SLC39A11: variants seen among roughly 807,000 people sequenced by gnomAD.
SLC39A11 encodes zinc transporter ZIP11.
A neutral mutation model predicts 36.1 loss-of-function variants in SLC39A11; 33 were observed. That is an observed-to-expected ratio of 0.91 (90% confidence interval 0.69 to 1.22). The LOEUF (loss-of-function observed/expected upper bound fraction) is 1.22. Among genes scored for constraint, SLC39A11 ranks in the 50% most tolerant of loss-of-function variants. The probability of loss-of-function intolerance (pLI) is 0.00; values close to 1 mark genes in which losing one functional copy is unlikely to be tolerated. For missense variants in SLC39A11, 432 were observed against 430.3 expected, an observed-to-expected ratio of 1.00 and a Z score of -0.03; for synonymous variants, 166 against 170.3, an observed-to-expected ratio of 0.97 and a Z score of 0.20.
chr17:72,795,153 A>T (rs544047789), intron 6 of SLC39A11, among the ~76,000 whole-genome samples: 2 of 152,188 alleles, frequency 1.3e-5, no homozygotes, highest in South Asian at 4.1e-4. Flanking sequence ...TCATACCAAT[A>T]ATCCTGTATG....
At chr17:72,785,073 G>A (rs1432637687) in intron 6 of SLC39A11, among the ~76,000 whole-genome samples, 1 of 151,872 alleles carries the variant, frequency 6.6e-6, no homozygotes, top group African/African-American at 2.4e-5. Context: ...TCACCATATT[G>A]GTCAGGCTGG....
rs560477358 is a variant in SLC39A11, at chr17:73,061,922, A to G, written c.147+22886T>C. Among the ~76,000 whole-genome samples, 3 of 152,140 alleles carry G rather than the reference A, an allele frequency of 2.0e-5. No individual in the cohort carries two copies. The East Asian group carries it at 5.8e-4, about 30-fold the overall frequency. On this transcript the variant is annotated intron_variant, in intron 3 of 9. Coordinates refer to ENST00000255559, the MANE Select transcript of SLC39A11 (RefSeq NM_139177.4). Reference sequence around the variant, plus strand: ...AAGGTGGGAGGATCACTTGAGACCAAGAGGTCAATGCTGCAGTGACCTCGT... The same window carrying G: ...AAGGTGGGAGGATCACTTGAGACCAGGAGGTCAATGCTGCAGTGACCTCGT...
At chr17:72,698,840 T>C (rs1284202798) in intron 7 of SLC39A11, among the ~76,000 whole-genome samples, 1 of 151,966 alleles carries the variant, frequency 6.6e-6, no homozygotes, top group Non-Finnish European at 1.5e-5. Context: ...TCTTTTTTTG[T>C]TTTGTTTTGA....
chr17:72,798,095 T>A (rs1237627315), intron 6 of SLC39A11, among the ~76,000 whole-genome samples: 1 of 151,994 alleles, frequency 6.6e-6, no homozygotes, highest in African/African-American at 2.4e-5. Context: ...TGGAGATGGG[T>A]GTATCACTAG....
chr17:72,984,640 C>T (rs912811855), intron 4 of SLC39A11, among the ~76,000 whole-genome samples: 1 of 152,138 alleles, frequency 6.6e-6, no homozygotes. Context: ...CCCGTGTTTC[C>T]GCAAGACCTC....
chr17:72,960,897 T>C (rs1207367460), intron 4 of SLC39A11, among the ~76,000 whole-genome samples: 1 of 152,180 alleles, frequency 6.6e-6, no homozygotes, highest in Non-Finnish European at 1.5e-5. Flanking sequence ...AGCGCTTCTA[T>C]TACCAATCCT....
chr17:73,028,303 A>T (rs1449610479), intron 4 of SLC39A11, among the ~76,000 whole-genome samples: 2 of 152,188 alleles, frequency 1.3e-5, no homozygotes, highest in African/African-American at 4.8e-5. Flanking sequence ...ATGTTGGCCA[A>T]CCGCAACGAC....
intron 4 of SLC39A11, chr17:72,992,843 C>T (rs956017263): frequency 6.6e-6 from 1 of 152,198 alleles, no homozygotes; most frequent in Non-Finnish European, 1.5e-5. Context: ...TAAAGACACA[C>T]CCGAGACTGG....
chr17:73,011,693 C>T (rs1194799648), intron 4 of SLC39A11, among the ~76,000 whole-genome samples: 1 of 147,832 alleles, frequency 6.8e-6, no homozygotes, highest in East Asian at 2.0e-4. Flanking sequence ...TGGAGTTTCA[C>T]TCTTGTTGCC....
chr17:72,911,111 T>A (rs566975819), intron 5 of SLC39A11, among the ~76,000 whole-genome samples: 1 of 152,058 alleles, frequency 6.6e-6, no homozygotes, highest in Non-Finnish European at 1.5e-5. Flanking sequence ...CCTTTATAAA[T>A]AGACCTTCCC....
intron 3 of SLC39A11, among the ~76,000 whole-genome samples, chr17:73,034,149 C>T (rs2058829297): frequency 6.6e-6 from 1 of 152,210 alleles, no homozygotes; most frequent in Non-Finnish European, 1.5e-5. Flanking sequence ...AATTCAACAG[C>T]CCTCAGTAGC....
chr17:73,047,029 T>TTC (rs1555692917), intron 3 of SLC39A11, among the ~76,000 whole-genome samples: 1 of 147,616 alleles, frequency 6.8e-6, no homozygotes, highest in Non-Finnish European at 1.5e-5. Context: ...TTTTATTTAT[T>TTC]TTTTTTTTTT....
chr17:72,769,316 G>A (rs1045666155), intron 6 of SLC39A11, among the ~76,000 whole-genome samples: 10 of 152,196 alleles, frequency 6.6e-5, no homozygotes, highest in Admixed American at 5.9e-4. Flanking sequence ...CCAAGTGGAG[G>A]TTAATGACCT....
intron 5 of SLC39A11, among the ~76,000 whole-genome samples, chr17:72,865,940 G>A (rs1247986311): frequency 3.3e-5 from 5 of 152,154 alleles, no homozygotes; most frequent in Non-Finnish European, 7.3e-5. Flanking sequence ...TTGGCTCAAT[G>A]ACTAACCAAT....
At chr17:72,963,272 G>A (rs528219857) in intron 4 of SLC39A11, among the ~76,000 whole-genome samples, 29 of 142,880 alleles carry the variant, frequency 2.0e-4, no homozygotes, top group African/African-American at 5.2e-4. Flanking sequence ...CCGGGTTCAC[G>A]CCATTCTCCT....
At chr17:73,022,527 G>A (rs1043656751) in intron 4 of SLC39A11, among the ~76,000 whole-genome samples, 5 of 137,112 alleles carry the variant, frequency 3.6e-5, no homozygotes, top group Admixed American at 8.6e-5. Context: ...CCTGGGAGGC[G>A]AAGGATGCAG....
chr17:72,882,259 C>T (rs573261194), intron 5 of SLC39A11, among the ~76,000 whole-genome samples: 6 of 151,294 alleles, frequency 4.0e-5, no homozygotes, highest in African/African-American at 9.7e-5. Flanking sequence ...GGGACGCTGA[C>T]GCAGGAGAAT....
At chr17:72,922,986 AAAAAC>A (rs2083779991) in intron 5 of SLC39A11, among the ~76,000 whole-genome samples, 1 of 149,584 alleles carries the variant, frequency 6.7e-6, no homozygotes. Flanking sequence ...AAAAAAAAAA[AAAAAC>A]ACACAGAAAA....
chr17:72,655,079 C>A (rs146881764), intron 7 of SLC39A11, among the ~76,000 whole-genome samples: 37 of 152,366 alleles, frequency 2.4e-4, no homozygotes, highest in African/African-American at 8.9e-4. Flanking sequence ...CCTTTCTCAG[C>A]AGGGCATTGC....
Sources: allele counts gnomAD v4.1 joint callset (sites outside exome capture counted in the v4.1 genomes callset), GRCh38; gene constraint gnomAD v4.1.1; transcripts MANE v1.5; gene names NCBI Gene and HGNC (gene_info 2026-07-23, HGNC 2026-07-21).